CGRRF1: variants seen among roughly 807,000 people sequenced by gnomAD.
CGRRF1 encodes the protein cell growth regulator with RING finger domain protein 1.
Under a neutral mutation model 37.2 loss-of-function variants are expected in CGRRF1, and 32 were observed. That is an observed-to-expected ratio of 0.86 (90% CI 0.65 to 1.16). CGRRF1 has a LOEUF of 1.16. Among genes scored for constraint, CGRRF1 ranks in the 50% most tolerant of loss-of-function variants. The pLI is 0.00. For missense variants in CGRRF1, 391 were observed against 382.6 expected (o/e 1.02, Z -0.18); for synonymous variants, 141 against 140.3 (o/e 1.00, Z -0.04).
intron 1 of CGRRF1, among the ~76,000 whole-genome samples, chr14:54,516,177 C>T (rs1447071221): frequency 6.6e-6 from 1 of 152,140 alleles, no homozygotes; most frequent in African/African-American, 2.4e-5. Context: ...CACCATCTAC[C>T]TTCAGGTAAT....
At chr14:54,537,679 A>C in intron 4 of CGRRF1, 43 bp from the exon 5 acceptor site, 1 of 1,427,434 alleles carries the variant, frequency 7.0e-7, no homozygotes, top group Non-Finnish European at 9.2e-7. Flanking sequence ...GTGAAATAAT[A>C]TAAAGATTTT....
chr14:54,521,811 G>C (rs568746208), intron 1 of CGRRF1, among the ~76,000 whole-genome samples: 37 of 152,186 alleles, frequency 2.4e-4, no homozygotes, highest in African/African-American at 8.7e-4. Context: ...CCGGCCAATA[G>C]TCTGCCTCTT....
intron 1 of CGRRF1, among the ~76,000 whole-genome samples, chr14:54,516,856 C>T (rs1393912846): frequency 6.6e-6 from 1 of 152,058 alleles, no homozygotes; most frequent in Admixed American, 6.6e-5. Flanking sequence ...CAGTCTTTTT[C>T]CTTTCTGTGT....
At chr14:54,514,438 CTGT>C (rs142499963) in intron 1 of CGRRF1, among the ~76,000 whole-genome samples, 238 of 152,210 alleles carry the variant, frequency 1.6e-3, no homozygotes, top group Non-Finnish European at 2.2e-3. Context: ...GTTGAGATTT[CTGT>C]TGTTGTTGTT....
At chr14:54,524,185 A>C (rs74992678) in intron 2 of CGRRF1, among the ~76,000 whole-genome samples, 3,537 of 152,130 alleles carry the variant, frequency 0.023, 96 homozygotes, top group East Asian at 0.095. Flanking sequence ...TTCAGGGCTG[A>C]GTTAATGCTC....
At chr14:54,520,118 A>G (rs542628878) in intron 1 of CGRRF1, among the ~76,000 whole-genome samples, 7 of 151,624 alleles carry the variant, frequency 4.6e-5, no homozygotes, top group Non-Finnish European at 5.9e-5. Context: ...TTATTTATTT[A>G]TTTTTTTTGA....
intron 4 of CGRRF1, among the ~76,000 whole-genome samples, chr14:54,534,144 A>G (rs1233170407): frequency 6.6e-6 from 1 of 151,524 alleles, no homozygotes; most frequent in Non-Finnish European, 1.5e-5. Flanking sequence ...TTGTTTTTTG[A>G]GACAGAATCT....
intron 4 of CGRRF1, among the ~76,000 whole-genome samples, chr14:54,533,951 T>C (rs1042916098): frequency 6.6e-6 from 1 of 152,120 alleles, no homozygotes; most frequent in African/African-American, 2.4e-5. Context: ...AATCTTTATA[T>C]ATGTAATTAA....
At chr14:54,524,673 G>A (rs1046821365) in intron 2 of CGRRF1, among the ~76,000 whole-genome samples, 2 of 152,028 alleles carry the variant, frequency 1.3e-5, no homozygotes, top group African/African-American at 2.4e-5. Flanking sequence ...GATTACAGGC[G>A]TGACCCACTG....
intron 2 of CGRRF1, among the ~76,000 whole-genome samples, chr14:54,523,496 G>T (rs897386628): frequency 1.3e-5 from 2 of 151,694 alleles, no homozygotes; most frequent in Non-Finnish European, 2.9e-5. Context: ...TCATAAAAAA[G>T]AATATGCTGA....
Position 54,530,082 on chromosome 14 carries a change from A to T in CGRRF1, c.278A>T (p.Asp93Val), listed in dbSNP as rs145859013. The T allele has an allele frequency of 6.2e-7, 1 of 1,612,830 alleles. No homozygotes were observed. Among genetic ancestry groups the T allele is most frequent in the Non-Finnish European group, 8.5e-7 (1 of 1,179,002 alleles). Residue 93 changes from aspartate to valine, a missense_variant, in exon 3 of 6, where the codon GAT (aspartate) becomes GTT (valine). Transcript: ENST00000216420. ...ACCTTGACAACAGATTGCCTTGAAG[A>T]TAGCCTCCTTACATGCTACTGGGGG... is the stretch of plus-strand genomic sequence containing the variant. ...GITLTTDCLE[D>V]SLLTCYWGCS...
chr14:54,516,529 G>T (rs1346988530), intron 1 of CGRRF1, among the ~76,000 whole-genome samples: 1 of 151,950 alleles, frequency 6.6e-6, no homozygotes, highest in Non-Finnish European at 1.5e-5. Context: ...TCTATGTGTA[G>T]TATATCTTTT....
At chr14:54,527,793 C>T (rs576755490) in intron 2 of CGRRF1, among the ~76,000 whole-genome samples, 3 of 150,474 alleles carry the variant, frequency 2.0e-5, no homozygotes, top group South Asian at 4.2e-4. Context: ...GGGTCTCACT[C>T]TGTCATCCAG....
chr14:54,526,144 A>ATTTTTTTTTT (rs745596386), intron 2 of CGRRF1, among the ~76,000 whole-genome samples: 1 of 107,068 alleles, frequency 9.3e-6, no homozygotes, highest in Non-Finnish European at 1.9e-5. Flanking sequence ...TATATTTAAG[A>ATTTTTTTTTT]TTTTTTTTTT....
chr14:54,519,176 C>T (rs998044107), intron 1 of CGRRF1, among the ~76,000 whole-genome samples: 2 of 151,546 alleles, frequency 1.3e-5, no homozygotes, highest in Non-Finnish European at 1.5e-5. Flanking sequence ...GAACTCCCGA[C>T]CTCGGGTGAT....
Position 54,509,997 on chromosome 14 carries a change from C to T in CGRRF1, c.38C>T (p.Ser13Leu), listed in dbSNP as rs1473282460. Residue 13 changes from serine (S) to leucine (L), a missense_variant, in exon 1 of 6, where the codon TCG (serine) becomes TTG (leucine). Coordinates refer to ENST00000216420, the MANE Select transcript of CGRRF1 (RefSeq NM_006568.3). ...AVFLVTLYEY[S>L]PLFYIAVVFT... ...TTTCTGGTAACGCTTTATGAATACT[C>T]GCCGCTTTTCTACATCGCGGTGGTC... The T allele has an allele frequency of 3.7e-6, 6 of 1,613,914 alleles. No individual in the cohort carries two copies. The highest frequency in any genetic ancestry group is 5.1e-6 in the Non-Finnish European group (6 of 1,179,794).
chr14:54,516,639 T>C (rs979809965), intron 1 of CGRRF1, among the ~76,000 whole-genome samples: 2 of 152,154 alleles, frequency 1.3e-5, no homozygotes, highest in African/African-American at 4.8e-5. Context: ...GTGCCTTAGG[T>C]AATTTTCCTT....
chr14:54,524,469 C>G (rs764562727), intron 2 of CGRRF1, among the ~76,000 whole-genome samples: 5 of 151,492 alleles, frequency 3.3e-5, no homozygotes, highest in Non-Finnish European at 5.9e-5. Flanking sequence ...CACTGCAGCC[C>G]CAATACCCTG....
intron 1 of CGRRF1, among the ~76,000 whole-genome samples, chr14:54,511,012 A>C (rs74726614): frequency 0.023 from 3,475 of 152,338 alleles, 95 homozygotes; most frequent in East Asian, 0.096. Flanking sequence ...ATTTTGAAAA[A>C]TAAATGGAGT....
Sources: gnomAD v4.1 joint callset for allele counts (sites outside exome capture counted in the v4.1 genomes callset) on GRCh38, gnomAD v4.1.1 for gene constraint, MANE v1.5 for transcripts, NCBI Gene and HGNC (gene_info 2026-07-23, HGNC 2026-07-21) for gene names.